The following GALC variants were observed in gnomAD, a reference collection of about 807,000 sequenced individuals.
GALC encodes the protein galactosylceramidase.
In GALC, 77 loss-of-function variants were observed where a neutral mutation model predicts 91.8. The ratio of observed to expected loss-of-function variants is 0.84; its 90% CI spans 0.70 to 1.01. The LOEUF (loss-of-function observed/expected upper bound fraction) is 1.01, where lower values mean the gene tolerates loss of function less well. Among genes scored for constraint, GALC ranks in the 50% least tolerant of loss-of-function variants. GALC has a pLI of 0.00. For synonymous variants in GALC, 357 were observed against 306.7 expected, an observed-to-expected ratio of 1.16 and a Z score of -1.71; for missense variants, 882 against 855.9, an observed-to-expected ratio of 1.03 and a Z score of -0.38.
intron 7 of GALC, among the ~76,000 whole-genome samples, chr14:87,972,903 A>G (rs1886354835): frequency 6.6e-6 from 1 of 152,126 alleles, no homozygotes; most frequent in African/African-American, 2.4e-5. Flanking sequence ...CCTTACTGAA[A>G]TAAGAAAATA....
chr14:87,968,743 A>C (rs111247702), intron 7 of GALC, among the ~76,000 whole-genome samples: 1 of 152,200 alleles, frequency 6.6e-6, no homozygotes, highest in Non-Finnish European at 1.5e-5. Flanking sequence ...AGGAAGGAAA[A>C]TCATCAATAG....
chr14:87,992,184 A>G (rs1887227987), intron 1 of GALC: 1 of 1,025,886 alleles, frequency 9.7e-7, no homozygotes, highest in Non-Finnish European at 1.5e-6. Flanking sequence ...AGTTGAATGT[A>G]AGGATGCAAG....
intron 10 of GALC, among the ~76,000 whole-genome samples, chr14:87,961,387 G>T (rs971466663): frequency 2.0e-5 from 3 of 152,136 alleles, no homozygotes; most frequent in Non-Finnish European, 4.4e-5. Flanking sequence ...CAGTAACTTT[G>T]GAAAACAATT....
chr14:87,965,726 A>G (rs1051353861), intron 8 of GALC, 97 bp from the exon 9 acceptor site: 6 of 1,132,426 alleles, frequency 5.3e-6, no homozygotes, highest in Non-Finnish European at 7.8e-6. Context: ...ATAGTAATAC[A>G]CATCTACATA....
At chr14:87,960,042 C>G (rs1885731868) in intron 10 of GALC, among the ~76,000 whole-genome samples, 1 of 151,920 alleles carries the variant, frequency 6.6e-6, no homozygotes, top group South Asian at 2.1e-4. Context: ...AGACAAATAC[C>G]TCATGATCAC....
intron 3 of GALC, 22 bp from the exon 4 acceptor site, chr14:87,986,624 C>T (rs774754962): frequency 1.2e-5 from 18 of 1,466,502 alleles, no homozygotes; most frequent in Admixed American, 3.4e-5. Flanking sequence ...AGAGCAAAAA[C>T]GGAAGTAATG....
At chr14:87,977,431 C>T (rs184291718) in intron 6 of GALC, among the ~76,000 whole-genome samples, 76 of 152,216 alleles carry the variant, frequency 5.0e-4, no homozygotes, top group Non-Finnish European at 1.5e-5. Flanking sequence ...ACACACTCAA[C>T]AGGACACCAA....
At chr14:87,947,344 G>C (rs1017301604) in intron 13 of GALC, among the ~76,000 whole-genome samples, 1 of 151,880 alleles carries the variant, frequency 6.6e-6, no homozygotes, top group African/African-American at 2.4e-5. Context: ...CTGCCCATAA[G>C]CACTCAGTTC....
chr14:87,960,334 T>G (rs1310386728), intron 10 of GALC, among the ~76,000 whole-genome samples: 1 of 152,200 alleles, frequency 6.6e-6, no homozygotes, highest in African/African-American at 2.4e-5. Context: ...TAAGTTCTGG[T>G]GTTTTCTTGC....
At chr14:87,953,004 T>C in intron 10 of GALC, 3 of 1,075,938 alleles carry the variant, frequency 2.8e-6, no homozygotes, top group Non-Finnish European at 4.3e-6. Context: ...AGACCACAAA[T>C]GTGCAGCTAT....
intron 7 of GALC, among the ~76,000 whole-genome samples, chr14:87,970,153 A>C (rs1196007601): frequency 6.6e-6 from 1 of 152,166 alleles, no homozygotes; most frequent in African/African-American, 2.4e-5. Context: ...TTTCCATGAA[A>C]TTCAGCTTTG....
At position 87,971,612 on chromosome 14, in the gene GALC, A is replaced by G. The variant is rs1333687113; in HGVS notation, c.753-3122T>C. Among the ~76,000 whole-genome samples, 3 of 152,204 alleles carry G rather than the reference A, an allele frequency of 2.0e-5. No homozygotes were observed. The East Asian group carries it at 5.8e-4, about 29-fold the overall frequency. ...GAACATAATTTTAATGATATATTTA[A>G]CCCAATATATCCAAAATATTATCAC... On this transcript the variant is annotated intron_variant, in intron 7 of 16. Transcript: ENST00000261304.
rs1555383309 is a variant in GALC, at chr14:87,982,243, T to C, written c.583A>G (p.Ile195Val). ...YHDLDIDYIG[I>V]WNERSYNANY... is the part of the protein sequence containing the mutation. ...GCATTATATGACCTCTCATTCCAAA[T>C]CTGCAAAACAAAAAGTCAAAAAAGT... Residue 195 changes from isoleucine (I) to valine (V), a missense_variant and splice_region_variant, in exon 6 of 17, where the codon ATT becomes GTT. By Grantham distance (29) the Ile-to-Val change is conservative. Coordinates refer to ENST00000261304, the MANE Select transcript of GALC (RefSeq NM_000153.4). 6.3e-7 allele frequency: 1 copy of C among 1,580,284 alleles called. No homozygotes were observed. The highest frequency in any genetic ancestry group is 8.7e-7 in the Non-Finnish European group (1 of 1,150,230).
At position 87,934,707 on chromosome 14, in the gene GALC, G is replaced by A. The variant is rs1884492768; in HGVS notation, c.*25C>T. 1 of 1,612,700 alleles carries A rather than the reference G, an allele frequency of 6.2e-7. No homozygotes were observed. Among genetic ancestry groups the A allele is most frequent in the Non-Finnish European group, 8.5e-7 (1 of 1,179,184 alleles). On this transcript the variant is annotated 3_prime_UTR_variant, in exon 17 of 17. Coordinates refer to ENST00000261304, the MANE Select transcript of GALC (RefSeq NM_000153.4). Reference sequence around the variant, plus strand: ...CAAAAAGAAGGGAAGAAAATCCAGAGTATTCTATGATGCCCTGTTAAGTAT... The same window carrying A: ...CAAAAAGAAGGGAAGAAAATCCAGAATATTCTATGATGCCCTGTTAAGTAT...
At chr14:87,993,633 G>C, upstream of GALC, 1 of 647,962 alleles carries the variant, frequency 1.5e-6, no homozygotes, top group Non-Finnish European at 2.7e-6. Context: ...AAGAGCAGCA[G>C]AGTGAGGGAC....
At chr14:87,980,918 T>C (rs1886716089) in intron 6 of GALC, among the ~76,000 whole-genome samples, 1 of 152,194 alleles carries the variant, frequency 6.6e-6, no homozygotes, top group African/African-American at 2.4e-5. Flanking sequence ...CTTAAGAACA[T>C]AAAACATCCA....
At chr14:87,977,975 C>A (rs1233468369) in intron 6 of GALC, among the ~76,000 whole-genome samples, 1 of 152,128 alleles carries the variant, frequency 6.6e-6, no homozygotes, top group Non-Finnish European at 1.5e-5. Flanking sequence ...CAAACCGAGA[C>A]CAACTCTCAA....
chr14:87,986,849 G>C, intron 3 of GALC: 1 of 511,362 alleles, frequency 2.0e-6, no homozygotes, highest in East Asian at 3.8e-5. Flanking sequence ...TCTATTACAA[G>C]CAGTACTGAG....
At chr14:87,972,125 C>T (rs1362075632) in intron 7 of GALC, among the ~76,000 whole-genome samples, 1 of 151,822 alleles carries the variant, frequency 6.6e-6, no homozygotes, top group Admixed American at 6.6e-5. Context: ...AAATTGGAAA[C>T]AGTCTAAATG....
Sources: allele counts gnomAD v4.1 joint callset (sites outside exome capture counted in the v4.1 genomes callset), GRCh38; gene constraint gnomAD v4.1.1; transcripts MANE v1.5; gene names NCBI Gene and HGNC (gene_info 2026-07-23, HGNC 2026-07-21).